The following DNAAF4 variants were observed in gnomAD, a reference collection of about 807,000 sequenced individuals.
DNAAF4 encodes dynein assembly factor 4, axonemal.
Under a neutral mutation model 51.8 loss-of-function variants are expected in DNAAF4, and 43 were observed. That is an observed-to-expected ratio of 0.83 (90% CI 0.65 to 1.07). The LOEUF (loss-of-function observed/expected upper bound fraction) is 1.07, where lower values mean the gene tolerates loss of function less well. Among genes scored for constraint, DNAAF4 ranks in the 50% least tolerant of loss-of-function variants. The pLI, the probability that DNAAF4 is intolerant of heterozygous loss-of-function variation, is 0.00. For missense variants in DNAAF4, 581 were observed against 493.0 expected (o/e 1.18, Z -1.69); for synonymous variants, 194 against 165.6 (o/e 1.17, Z -1.32).
At chr15:55,447,603 C>A (rs1393024473) in intron 6 of DNAAF4, among the ~76,000 whole-genome samples, 3 of 151,114 alleles carry the variant, frequency 2.0e-5, no homozygotes, top group Non-Finnish European at 4.4e-5. Flanking sequence ...CAGAGCAAAA[C>A]CCCATCTCCA....
downstream of DNAAF4, among the ~76,000 whole-genome samples, chr15:55,427,205 A>C (rs939334892): frequency 3.3e-5 from 5 of 151,970 alleles, no homozygotes; most frequent in African/African-American, 1.2e-4. Context: ...GGCTGGGATT[A>C]CAGGTGCCCG....
chr15:55,433,887 T>TA (rs2057547076), intron 8 of DNAAF4, among the ~76,000 whole-genome samples: 16 of 46,858 alleles, frequency 3.4e-4, no homozygotes, highest in South Asian at 4.5e-4. Context: ...ACATATATTA[T>TA]ATATATATTA....
At chr15:55,483,884 A>G (rs978570812) in intron 4 of DNAAF4, among the ~76,000 whole-genome samples, 4 of 130,672 alleles carry the variant, frequency 3.1e-5, no homozygotes, top group African/African-American at 1.1e-4. Flanking sequence ...GAGAAAGCAT[A>G]GGCCAAATAA....
chr15:55,479,269 C>T (rs765822578), intron 4 of DNAAF4, among the ~76,000 whole-genome samples: 10 of 151,642 alleles, frequency 6.6e-5, no homozygotes, highest in Admixed American at 2.6e-4. Flanking sequence ...TCAGGGACCC[C>T]GAATGGAGGG....
At chr15:55,467,528 C>T (rs1264188108) in intron 4 of DNAAF4, among the ~76,000 whole-genome samples, 1 of 129,274 alleles carries the variant, frequency 7.7e-6, no homozygotes, top group Non-Finnish European at 1.6e-5. Context: ...GGAGTTAAGC[C>T]ACTTCTCTCA....
intron 5 of DNAAF4, among the ~76,000 whole-genome samples, chr15:55,461,755 C>T (rs1353425683): frequency 6.6e-6 from 1 of 151,936 alleles, no homozygotes; most frequent in African/African-American, 2.4e-5. Context: ...ACATCAAACC[C>T]AAACCCAGCA....
At chr15:55,442,512 G>A (rs1433776134) in intron 6 of DNAAF4, 17 of 751,560 alleles carry the variant, frequency 2.3e-5, no homozygotes, top group South Asian at 9.1e-5. Context: ...AGGCTGTTTC[G>A]GAAGGTCACT....
chr15:55,501,598 A>G (rs148888647), intron 1 of DNAAF4, among the ~76,000 whole-genome samples: 6,009 of 150,360 alleles, frequency 0.04, 389 homozygotes, highest in African/African-American at 0.14. Flanking sequence ...GATGGTCTCG[A>G]TCTCCTGACC....
chr15:55,491,695 T>C (rs1304188519), intron 3 of DNAAF4, among the ~76,000 whole-genome samples: 1 of 141,242 alleles, frequency 7.1e-6, no homozygotes, highest in African/African-American at 2.6e-5. Flanking sequence ...TATTATATAA[T>C]AATATTATAT....
intron 1 of DNAAF4, among the ~76,000 whole-genome samples, chr15:55,504,415 A>C (rs2058715790): frequency 1.3e-5 from 2 of 152,224 alleles, no homozygotes; most frequent in South Asian, 4.1e-4. Context: ...GAATTGGAAA[A>C]AACTACTTTA....
At chr15:55,427,142 C>T (rs1595885794), downstream of DNAAF4, among the ~76,000 whole-genome samples, 1 of 152,246 alleles carries the variant, frequency 6.6e-6, no homozygotes, top group South Asian at 2.1e-4. Context: ...TCTCAGCTCA[C>T]TGCAACCTCC....
At chr15:55,419,784 G>A (rs1385781972) in intron 7 of DNAAF4, among the ~76,000 whole-genome samples, 1 of 152,074 alleles carries the variant, frequency 6.6e-6, no homozygotes, top group Admixed American at 6.6e-5. Context: ...ATCACCTGAG[G>A]TCAGGAGTTT....
At chr15:55,504,894 T>A (rs1016655616) in intron 1 of DNAAF4, among the ~76,000 whole-genome samples, 1 of 152,126 alleles carries the variant, frequency 6.6e-6, no homozygotes, top group Non-Finnish European at 1.5e-5. Flanking sequence ...CCAAAAGCAA[T>A]GGCAACAAAA....
At chr15:55,421,339 A>G (rs1334585190) in intron 7 of DNAAF4, among the ~76,000 whole-genome samples, 1 of 151,898 alleles carries the variant, frequency 6.6e-6, no homozygotes, top group Non-Finnish European at 1.5e-5. Context: ...CATCTCTACT[A>G]AAAATACAAA....
At chr15:55,428,481 T>C (rs2057452882), downstream of DNAAF4, among the ~76,000 whole-genome samples, 1 of 138,300 alleles carries the variant, frequency 7.2e-6, no homozygotes, top group Admixed American at 7.5e-5. Context: ...CTGTCTTTTT[T>C]TTCTTTTTTT....
chr15:55,473,541 A>G (rs2058296877), intron 4 of DNAAF4, among the ~76,000 whole-genome samples: 2 of 151,758 alleles, frequency 1.3e-5, no homozygotes, highest in South Asian at 4.2e-4. Flanking sequence ...TTGATCAAAT[A>G]GGGTCTTTCT....
At chr15:55,418,507 T>G (rs1226819688) in intron 7 of DNAAF4, 40 of 1,526,946 alleles carry the variant, frequency 2.6e-5, no homozygotes, top group South Asian at 6.0e-5. Context: ...AAAATAACAC[T>G]CTAAATACTG....
intron 1 of DNAAF4, among the ~76,000 whole-genome samples, chr15:55,501,534 T>A (rs1016177276): frequency 4.1e-5 from 6 of 147,306 alleles, no homozygotes; most frequent in Non-Finnish European, 7.5e-5. Context: ...CGCCACCGCA[T>A]CCGGCTGATT....
chr15:55,482,164 G>T (rs1469486634), intron 4 of DNAAF4, among the ~76,000 whole-genome samples: 1 of 152,102 alleles, frequency 6.6e-6, no homozygotes, highest in Non-Finnish European at 1.5e-5. Context: ...TGTTTAATGT[G>T]CCAAGAACTG....
Sources: gnomAD v4.1 joint callset for allele counts (sites outside exome capture counted in the v4.1 genomes callset) on GRCh38, gnomAD v4.1.1 for gene constraint, MANE v1.5 for transcripts, NCBI Gene and HGNC (gene_info 2026-07-23, HGNC 2026-07-21) for gene names.